PROM1: variants seen among roughly 807,000 people sequenced by gnomAD.
PROM1 encodes the protein prominin 1.
In PROM1, 105 loss-of-function variants were observed where a neutral mutation model predicts 116.9. The observed-to-expected ratio is 0.90, with a 90% confidence interval of 0.77 to 1.06. The LOEUF (loss-of-function observed/expected upper bound fraction) is 1.06, where lower values mean the gene tolerates loss of function less well. Among genes scored for constraint, PROM1 ranks in the 50% least tolerant of loss-of-function variants. The probability of loss-of-function intolerance (pLI) is 0.00; values close to 1 mark genes in which losing one functional copy is unlikely to be tolerated. For synonymous variants in PROM1, 393 were observed against 387.0 expected (o/e 1.02, Z -0.18); for missense variants, 1,122 against 1,045.2 (o/e 1.07, Z -1.01).
intron 2 of PROM1, among the ~76,000 whole-genome samples, chr4:16,075,454 G>C (rs1470719326): frequency 6.6e-6 from 1 of 152,206 alleles, no homozygotes; most frequent in Non-Finnish European, 1.5e-5. Flanking sequence ...AGGTAAAGAA[G>C]TGGAAAACCA....
At chr4:16,012,636 C>T (rs1029525909) in intron 11 of PROM1, among the ~76,000 whole-genome samples, 14 of 151,772 alleles carry the variant, frequency 9.2e-5, no homozygotes, top group East Asian at 1.9e-4. Context: ...TTTGGGAGGC[C>T]GAGGCAGGTA....
intron 3 of PROM1, among the ~76,000 whole-genome samples, chr4:16,036,467 C>A (rs891177727): frequency 1.3e-5 from 2 of 152,294 alleles, no homozygotes; most frequent in East Asian, 3.9e-4. Context: ...GATATACCTG[C>A]CTCTGGGGTC....
At chr4:16,013,171 G>T (rs1021718893) in intron 11 of PROM1, 104 bp downstream of exon 11, 9 of 908,866 alleles carry the variant, frequency 9.9e-6, no homozygotes, top group South Asian at 3.3e-5. Context: ...CAGCTTTAAT[G>T]AGAAACTGTT....
At chr4:16,017,650 G>A (rs1728740589) in intron 9 of PROM1, among the ~76,000 whole-genome samples, 1 of 152,178 alleles carries the variant, frequency 6.6e-6, no homozygotes, top group Non-Finnish European at 1.5e-5. Flanking sequence ...GCGTAACCCT[G>A]TCTCTACTAA....
chr4:16,082,207 G>A (rs1253548444), intron 1 of PROM1: 3 of 152,180 alleles, frequency 2.0e-5, no homozygotes, highest in Non-Finnish European at 4.4e-5. Context: ...GGGACAGAAA[G>A]GACGGTGAGA....
Position 15,986,045 on chromosome 4 carries a change from A to G in PROM1, c.2131-8T>C. The G allele has an allele frequency of 6.5e-7, 1 of 1,543,770 alleles. No homozygotes were observed. Among genetic ancestry groups the G allele is most frequent in the Non-Finnish European group, 8.9e-7 (1 of 1,128,996 alleles). On this transcript the variant is annotated splice_region_variant and splice_polypyrimidine_tract_variant and intron_variant, in intron 20 of 27. Coordinates refer to ENST00000447510, the MANE Select transcript of PROM1 (RefSeq NM_006017.3). ...AATCCTAGTTACTCTCTCCTGAAAG[A>G]CACAGCCACAGTTATCAGGGTATCA...
chr4:16,023,211 G>T, intron 8 of PROM1, 115 bp downstream of exon 8: 1 of 870,072 alleles, frequency 1.1e-6, no homozygotes, highest in Non-Finnish European at 1.9e-6. Context: ...GCATGGCCAC[G>T]GACGGTGGCT....
chr4:15,984,409 G>T, intron 22 of PROM1, 54 bp from the exon 23 acceptor site: 1 of 1,301,994 alleles, frequency 7.7e-7, no homozygotes, highest in Admixed American at 2.4e-5. Context: ...AAAACCCAAA[G>T]GAATGAGACG....
chr4:16,015,068 G>A (rs1000067279), intron 10 of PROM1, among the ~76,000 whole-genome samples: 5 of 125,514 alleles, frequency 4.0e-5, no homozygotes, highest in Non-Finnish European at 6.0e-5. Context: ...TATATGGACC[G>A]GGCGTGACGG....
At chr4:16,004,499 A>T (rs2149215065) in intron 13 of PROM1, among the ~76,000 whole-genome samples, 1 of 152,272 alleles carries the variant, frequency 6.6e-6, no homozygotes, top group African/African-American at 2.4e-5. Flanking sequence ...TTTTCAGAGC[A>T]ATTTACCCTA....
intron 5 of PROM1, among the ~76,000 whole-genome samples, chr4:16,031,217 G>T (rs1380450500): frequency 6.6e-6 from 1 of 152,146 alleles, no homozygotes. Flanking sequence ...CTAACTAGAA[G>T]CCCTAAGGGC....
intron 26 of PROM1, among the ~76,000 whole-genome samples, chr4:15,973,535 A>AT (rs1715224500): frequency 6.6e-6 from 1 of 152,196 alleles, no homozygotes; most frequent in Non-Finnish European, 1.5e-5. Context: ...TCACAGACAT[A>AT]TTTTGTTGGG....
intron 19 of PROM1, among the ~76,000 whole-genome samples, chr4:15,988,759 A>T (rs759074347): frequency 1.3e-5 from 2 of 151,736 alleles, no homozygotes; most frequent in Non-Finnish European, 2.9e-5. Flanking sequence ...TTAGGCATAA[A>T]CCAGTTACAG....
rs1722843277 is a variant in PROM1, at chr4:15,998,376, T to C, written c.1682+9A>G. ...TAAATAGCGAAATGTATAATGCAAA[T>C]ATTGATACCTGTAAACTTGTTCAAA... On this transcript the variant is annotated intron_variant, in intron 15 of 27. Transcript: ENST00000447510. The C allele has an allele frequency of 6.3e-7, 1 of 1,580,836 alleles. No individual in the cohort carries two copies. The highest frequency in any genetic ancestry group is 8.6e-7 in the Non-Finnish European group (1 of 1,167,878).
At chr4:15,971,143 A>T in intron 26 of PROM1, 61 bp from the exon 27 acceptor site, 1 of 1,408,060 alleles carries the variant, frequency 7.1e-7, no homozygotes, top group Non-Finnish European at 9.7e-7. Flanking sequence ...TGGTTTCATC[A>T]CCTCTGTGCT....
chr4:16,041,453 C>T (rs933049791), intron 2 of PROM1, among the ~76,000 whole-genome samples: 1 of 152,172 alleles, frequency 6.6e-6, no homozygotes, highest in Non-Finnish European at 1.5e-5. Flanking sequence ...CAACTAGCCA[C>T]AGTTTTCATG....
chr4:16,081,400 T>C (rs2149616397), intron 1 of PROM1, among the ~76,000 whole-genome samples: 1 of 152,276 alleles, frequency 6.6e-6, no homozygotes, highest in African/African-American at 2.4e-5. Flanking sequence ...ACTTAAATGT[T>C]AGACCTAAAA....
At chr4:15,970,725 C>G (rs905748841) in intron 27 of PROM1, among the ~76,000 whole-genome samples, 35 of 152,216 alleles carry the variant, frequency 2.3e-4, no homozygotes, top group African/African-American at 7.7e-4. Context: ...CTCTAGATCA[C>G]TCAAAATACC....
At chr4:15,979,493 C>T in intron 25 of PROM1, 30 bp from the exon 26 acceptor site, 1 of 1,586,914 alleles carries the variant, frequency 6.3e-7, no homozygotes, top group Non-Finnish European at 8.6e-7. Flanking sequence ...ACCAAAAACA[C>T]CATGTTATCT....
Sources: allele counts gnomAD v4.1 joint callset (sites outside exome capture counted in the v4.1 genomes callset), GRCh38; gene constraint gnomAD v4.1.1; transcripts MANE v1.5; gene names NCBI Gene and HGNC (gene_info 2026-07-23, HGNC 2026-07-21).